Variants in PRKG2 observed in about 807,000 individuals in gnomAD.
The protein encoded by PRKG2 is protein kinase cGMP-dependent 2.
A neutral mutation model predicts 97.2 loss-of-function variants in PRKG2; 33 were observed. That is an observed-to-expected ratio of 0.34 (90% CI 0.26 to 0.45). PRKG2 has a LOEUF of 0.45. PRKG2 is among the 20% of genes least tolerant of loss of function. The probability of loss-of-function intolerance (pLI) is 1.00; values close to 1 mark genes in which losing one functional copy is unlikely to be tolerated. For synonymous variants in PRKG2, 330 were observed against 321.8 expected (o/e 1.03, Z -0.27); for missense variants, 638 against 900.0 (o/e 0.71, Z 3.73).
chr4:81,168,150 A>T (rs1560597980), intron 5 of PRKG2, among the ~76,000 whole-genome samples: 1 of 152,124 alleles, frequency 6.6e-6, no homozygotes, highest in Non-Finnish European at 1.5e-5. Context: ...AACACAGGCT[A>T]TCATGAAAGT....
chr4:81,142,027 G>A (rs1747345164), intron 11 of PRKG2, among the ~76,000 whole-genome samples: 1 of 152,132 alleles, frequency 6.6e-6, no homozygotes, highest in Non-Finnish European at 1.5e-5. Context: ...TTAAAAATCT[G>A]ATGGGCAAAG....
rs747061386 is a variant in PRKG2, at chr4:81,142,908, A to G, written c.1293T>C (p.Ser431=). 1 of 1,613,450 alleles carries G rather than the reference A, an allele frequency of 6.2e-7. No individual in the cohort carries two copies. The highest frequency in any genetic ancestry group is 8.5e-7 in the Non-Finnish European group (1 of 1,179,532). Residue 431 remains serine (S), a synonymous_variant, in exon 11 of 19, where the codon TCT becomes TCC. Transcript: ENST00000264399. ...TCTCCTTCAGCTGAATCATTTCCAG[A>G]GAGAGTGCTTTGGACAGCTTCCAGT... ...MSNWKLSKAL[S]LEMIQLKEKV...
At chr4:81,186,280 C>T (rs1751873176) in intron 2 of PRKG2, among the ~76,000 whole-genome samples, 1 of 152,202 alleles carries the variant, frequency 6.6e-6, no homozygotes, top group African/African-American at 2.4e-5. Flanking sequence ...AACTCTCAGA[C>T]CACAGTGCAA....
intron 6 of PRKG2, among the ~76,000 whole-genome samples, chr4:81,163,583 C>A (rs10028912): frequency 0.034 from 5,174 of 152,062 alleles, 308 homozygotes; most frequent in African/African-American, 0.12. Flanking sequence ...GTTTCATAAC[C>A]TGGTAATGAG....
intron 3 of PRKG2, 152 bp downstream of exon 3, chr4:81,174,641 C>G (rs531562222): frequency 2.8e-6 from 2 of 719,454 alleles, no homozygotes; most frequent in African/African-American, 1.8e-5. Context: ...TTACCATCAT[C>G]ATGATTAGAT....
chr4:81,093,327 C>T (rs2109942200), intron 17 of PRKG2, among the ~76,000 whole-genome samples: 1 of 150,440 alleles, frequency 6.6e-6, no homozygotes, highest in East Asian at 2.0e-4. Context: ...TCTTCCTTGG[C>T]CATCCAATCT....
chr4:81,162,884 T>G (rs1412476104), intron 6 of PRKG2, among the ~76,000 whole-genome samples: 2 of 152,164 alleles, frequency 1.3e-5, no homozygotes, highest in Non-Finnish European at 2.9e-5. Context: ...ACAATTTCAG[T>G]CCTCATTACC....
chr4:81,171,599 C>G, intron 4 of PRKG2, 92 bp downstream of exon 4: 1 of 917,912 alleles, frequency 1.1e-6, no homozygotes, highest in South Asian at 2.3e-5. Context: ...AAATGGGAAA[C>G]AGACTGTGGA....
At chr4:81,164,380 A>C (rs1195847954) in intron 6 of PRKG2, among the ~76,000 whole-genome samples, 1 of 152,156 alleles carries the variant, frequency 6.6e-6, no homozygotes, top group Non-Finnish European at 1.5e-5. Flanking sequence ...TCAATGGTTC[A>C]TAAACTGTAG....
intron 17 of PRKG2, among the ~76,000 whole-genome samples, chr4:81,095,439 T>C (rs1020794817): frequency 2.0e-5 from 3 of 152,188 alleles, no homozygotes; most frequent in African/African-American, 7.2e-5. Context: ...TCACCAAATA[T>C]GGCAACAATT....
At chr4:81,110,780 C>T (rs1378146080) in intron 14 of PRKG2, among the ~76,000 whole-genome samples, 169 bp from the exon 15 acceptor site, 6 of 150,674 alleles carry the variant, frequency 4.0e-5, no homozygotes, top group Non-Finnish European at 7.4e-5. Flanking sequence ...GACAGACGGA[C>T]AGACAGACAA....
rs1239235657 is a variant in PRKG2 at position 81,149,024 on chromosome 4, TACTA to T, written c.1086-76_1086-73del. ...AAACATCCACTTTTATTAGGGAATG[TACTA>T]ACTTTGTATGAAAACACCACCATCA... is the stretch of plus-strand genomic sequence containing the variant. On this transcript the variant is annotated intron_variant, in intron 8 of 18. Coordinates refer to ENST00000264399, the MANE Select transcript of PRKG2 (RefSeq NM_006259.3). 8.3e-6 allele frequency: 12 copies of T among 1,441,774 alleles called. No homozygotes were observed. The East Asian group carries it at 1.1e-4, about 14-fold the overall frequency. 89.3% of individuals were successfully genotyped at this position (1,441,774 alleles called of 1,614,324 possible).
intron 2 of PRKG2, among the ~76,000 whole-genome samples, chr4:81,195,360 C>G (rs905009690): frequency 1.3e-5 from 2 of 152,098 alleles, no homozygotes; most frequent in African/African-American, 4.8e-5. Context: ...TCAAGTTAGC[C>G]TCAGTGTGTG....
chr4:81,114,454 A>C (rs1310729253), intron 14 of PRKG2, among the ~76,000 whole-genome samples: 1 of 152,196 alleles, frequency 6.6e-6, no homozygotes, highest in South Asian at 2.1e-4. Context: ...ATCTTCTTAT[A>C]TAAATTGATG....
At chr4:81,153,784 C>T (rs1748663365) in intron 6 of PRKG2, 63 bp from the exon 7 acceptor site, 1 of 1,180,172 alleles carries the variant, frequency 8.5e-7, no homozygotes, top group Non-Finnish European at 1.3e-6. Context: ...CTAATAGGAA[C>T]AGCTCCAGTA....
At chr4:81,174,670 A>G (rs1750769853) in intron 3 of PRKG2, 123 bp downstream of exon 3, 2 of 983,820 alleles carry the variant, frequency 2.0e-6, no homozygotes, top group African/African-American at 1.7e-5. Flanking sequence ...TTGCTATTTC[A>G]TGATTCAATA....
chr4:81,216,725 A>C (rs1384905241), upstream of PRKG2, among the ~76,000 whole-genome samples: 1 of 151,844 alleles, frequency 6.6e-6, no homozygotes, highest in Non-Finnish European at 1.5e-5. Context: ...CTGTTATTCC[A>C]TTCTGGATAC....
At chr4:81,111,646 G>A (rs75579446) in intron 14 of PRKG2, among the ~76,000 whole-genome samples, 208 of 152,058 alleles carry the variant, frequency 1.4e-3, no homozygotes, top group African/African-American at 4.3e-3. Flanking sequence ...CTCCGTTTTC[G>A]CAAAATAGAC....
At chr4:81,157,858 G>A (rs1482238557) in intron 6 of PRKG2, among the ~76,000 whole-genome samples, 6 of 148,364 alleles carry the variant, frequency 4.0e-5, no homozygotes, top group African/African-American at 1.3e-4. Flanking sequence ...ATGCAGAAAA[G>A]GCCTTTGACA....
Sources: allele counts gnomAD v4.1 joint callset (sites outside exome capture counted in the v4.1 genomes callset), GRCh38; gene constraint gnomAD v4.1.1; transcripts MANE v1.5; gene names NCBI Gene and HGNC (gene_info 2026-07-23, HGNC 2026-07-21).